INSL6: variants seen among roughly 807,000 people sequenced by gnomAD.
INSL6 encodes the protein insulin-like peptide INSL6.
A neutral mutation model predicts 9.4 loss-of-function variants in INSL6; 16 were observed. That is an observed-to-expected ratio of 1.70 (90% confidence interval 1.15 to 2.59). INSL6 has a LOEUF of 2.59. Ranked by LOEUF, INSL6 falls within the 30% of genes most tolerant of loss-of-function variation. The pLI is 0.00. For synonymous variants in INSL6, 154 were observed against 96.9 expected (o/e 1.59, Z -3.46); for missense variants, 391 against 257.3 (o/e 1.52, Z -3.56).
At chr9:5,053,758 C>G in the INSL6 span, among the ~76,000 whole-genome samples, 1 of 151,722 alleles carries the variant, frequency 6.6e-6, no homozygotes, top group East Asian at 1.9e-4. Context: ...ATTAATTTAG[C>G]AAGTCCTTTG....
chr9:4,999,323 C>A, the INSL6 span, among the ~76,000 whole-genome samples: 3 of 152,168 alleles, frequency 2.0e-5, no homozygotes, highest in African/African-American at 7.2e-5. Context: ...ATTAAAATAT[C>A]TTATTTGCAT....
chr9:5,013,963 C>G, the INSL6 span, among the ~76,000 whole-genome samples: 2,296 of 152,030 alleles, frequency 0.015, 11 homozygotes, highest in South Asian at 0.024. Flanking sequence ...TCTCTTGGCT[C>G]CCAGGTTAGT....
At chr9:5,080,906 T>C in the INSL6 span, among the ~76,000 whole-genome samples, 1 of 142,032 alleles carries the variant, frequency 7.0e-6, no homozygotes, top group Non-Finnish European at 1.5e-5. Context: ...TTTTTTTTTT[T>C]TTTTTTTGAG....
At chr9:5,158,001 T>A (rs1217502123) in intron 2 of INSL6, among the ~76,000 whole-genome samples, 1 of 151,758 alleles carries the variant, frequency 6.6e-6, no homozygotes, top group Non-Finnish European at 1.5e-5. Context: ...ACAAAGAAAT[T>A]GAAATAAAAA....
At chr9:5,171,670 G>A (rs1825184543) in intron 1 of INSL6, among the ~76,000 whole-genome samples, 2 of 152,076 alleles carry the variant, frequency 1.3e-5, no homozygotes, top group Non-Finnish European at 1.5e-5. Context: ...AACGTGCAAA[G>A]GTCACACACA....
At chr9:5,069,058 A>C in the INSL6 span, 1 of 1,601,886 alleles carries the variant, frequency 6.2e-7, no homozygotes, top group Non-Finnish European at 8.5e-7. Flanking sequence ...CTGTTTGATT[A>C]CAAAAAATGA....
intron 2 of INSL6, among the ~76,000 whole-genome samples, chr9:5,138,691 T>A (rs1237306199): frequency 1.3e-5 from 2 of 151,280 alleles, no homozygotes; most frequent in African/African-American, 4.9e-5. Context: ...TTAACAAACC[T>A]GCACTTTCGG....
downstream of INSL6, among the ~76,000 whole-genome samples, chr9:5,119,154 A>G (rs1168138353): frequency 6.6e-6 from 1 of 152,188 alleles, no homozygotes; most frequent in Non-Finnish European, 1.5e-5. Context: ...AATGTCCTTC[A>G]TACAACCCAT....
chr9:5,010,748 C>G, the INSL6 span, among the ~76,000 whole-genome samples: 430 of 152,272 alleles, frequency 2.8e-3, no homozygotes, highest in African/African-American at 0.01. Context: ...TTCCTTTAAT[C>G]CACATGATTT....
chr9:5,111,242 T>C, the INSL6 span: 2 of 547,658 alleles, frequency 3.7e-6, no homozygotes, highest in Non-Finnish European at 6.9e-6. Context: ...ATTCCTCCTT[T>C]GGTAGAGACG....
intron 1 of INSL6, among the ~76,000 whole-genome samples, chr9:5,173,839 A>T (rs1474196984): frequency 1.3e-5 from 2 of 152,030 alleles, no homozygotes; most frequent in Non-Finnish European, 2.9e-5. Flanking sequence ...AGATCACAAA[A>T]CCTATCAACT....
intron 1 of INSL6, among the ~76,000 whole-genome samples, chr9:5,179,982 C>CTTACTTCT (rs1271431354): frequency 5.9e-5 from 9 of 152,272 alleles, no homozygotes; most frequent in African/African-American, 2.2e-4. Context: ...ACATCCTGCA[C>CTTACTTCT]ATGTACTCCT....
the INSL6 span, chr9:5,022,009 A>G: frequency 6.2e-7 from 1 of 1,613,984 alleles, no homozygotes; most frequent in Non-Finnish European, 8.5e-7. Flanking sequence ...CTGCCTTACG[A>G]TGACAGAAAT....
chr9:4,996,717 A>G, the INSL6 span, among the ~76,000 whole-genome samples: 3 of 151,916 alleles, frequency 2.0e-5, no homozygotes, highest in Non-Finnish European at 4.4e-5. Context: ...CCTCCCTGCC[A>G]CAGACTTTTA....
chr9:5,156,392 A>G (rs990434169), intron 2 of INSL6, among the ~76,000 whole-genome samples: 5 of 152,198 alleles, frequency 3.3e-5, no homozygotes, highest in South Asian at 2.1e-4. Flanking sequence ...CTGTAAATGA[A>G]TATCTCTATG....
At chr9:5,039,624 A>C in the INSL6 span, among the ~76,000 whole-genome samples, 4 of 152,146 alleles carry the variant, frequency 2.6e-5, no homozygotes, top group African/African-American at 9.7e-5. Flanking sequence ...AGAACTAATA[A>C]ATGAGCTCAG....
At chr9:5,084,902 T>A in the INSL6 span, 10 of 453,502 alleles carry the variant, frequency 2.2e-5, no homozygotes, top group African/African-American at 2.0e-4. Flanking sequence ...TTAAAATGAT[T>A]TTTGGTTATC....
chr9:5,041,107 C>T, the INSL6 span: 1 of 797,720 alleles, frequency 1.3e-6, no homozygotes, highest in South Asian at 1.5e-5. Flanking sequence ...CCTGTTCGAC[C>T]TTCACGCCCA....
chr9:5,111,969 G>A, the INSL6 span: 20 of 351,698 alleles, frequency 5.7e-5, no homozygotes, highest in South Asian at 3.5e-4. Flanking sequence ...CCCCTCCACC[G>A]CCGTGGGCTC....
Sources: gnomAD v4.1 joint callset for allele counts (sites outside exome capture counted in the v4.1 genomes callset) on GRCh38, gnomAD v4.1.1 for gene constraint, MANE v1.5 for transcripts, NCBI Gene and HGNC (gene_info 2026-07-23, HGNC 2026-07-21) for gene names.